Variants in SSH2 observed in about 807,000 individuals in gnomAD.
The protein encoded by SSH2 is slingshot protein phosphatase 2.
In SSH2, 37 loss-of-function variants were observed where a neutral mutation model predicts 135.2. The ratio of observed to expected loss-of-function variants is 0.27; its 90% confidence interval spans 0.21 to 0.36. The LOEUF is 0.36. SSH2 is among the 10% of genes least tolerant of loss of function. The probability of loss-of-function intolerance (pLI) is 1.00; values close to 1 mark genes in which losing one functional copy is unlikely to be tolerated. For missense variants in SSH2, 1,408 were observed against 1,765.3 expected, an observed-to-expected ratio of 0.80 and a Z score of 3.63; for synonymous variants, 628 against 646.2, an observed-to-expected ratio of 0.97 and a Z score of 0.43.
intron 8 of SSH2, among the ~76,000 whole-genome samples, chr17:29,675,380 C>T (rs919564546): frequency 1.2e-4 from 18 of 152,128 alleles, no homozygotes; most frequent in Non-Finnish European, 1.5e-5. Flanking sequence ...GGGACTTCTA[C>T]TACCTAACAG....
chr17:29,914,373 A>C (rs1459088471), intron 1 of SSH2, among the ~76,000 whole-genome samples: 1 of 151,998 alleles, frequency 6.6e-6, no homozygotes, highest in Non-Finnish European at 1.5e-5. Flanking sequence ...CAACCTGGGC[A>C]ACACAGCGAG....
chr17:29,884,426 TG>T (rs572446868), intron 1 of SSH2, among the ~76,000 whole-genome samples: 5 of 152,332 alleles, frequency 3.3e-5, no homozygotes, highest in African/African-American at 1.2e-4. Context: ...TTCAGGGTTC[TG>T]TCCTTGGCAT....
intron 1 of SSH2, among the ~76,000 whole-genome samples, chr17:29,854,535 G>A (rs1321576677): frequency 1.3e-5 from 2 of 151,764 alleles, no homozygotes; most frequent in Non-Finnish European, 2.9e-5. Context: ...ATAAAATGTT[G>A]CAATTTTTAT....
intron 1 of SSH2, among the ~76,000 whole-genome samples, chr17:29,918,004 A>AT (rs2066913288): frequency 6.6e-6 from 1 of 151,934 alleles, no homozygotes; most frequent in Non-Finnish European, 1.5e-5. Flanking sequence ...ACAAAGTGAG[A>AT]TCCCCATCTC....
At chr17:29,703,195 CAA>C (rs2039058771) in intron 3 of SSH2, 133 bp from the exon 4 acceptor site, 12 of 653,246 alleles carry the variant, frequency 1.8e-5, no homozygotes, top group Non-Finnish European at 3.3e-5. Context: ...AAAACATAAT[CAA>C]GAGAGGCTGT....
At chr17:29,760,317 T>C (rs892235641) in intron 3 of SSH2, among the ~76,000 whole-genome samples, 3 of 152,190 alleles carry the variant, frequency 2.0e-5, no homozygotes, top group Non-Finnish European at 4.4e-5. Context: ...CTGAAGCCAC[T>C]TGGAATGAGT....
intron 6 of SSH2, among the ~76,000 whole-genome samples, chr17:29,678,665 A>G (rs891078603): frequency 1.3e-5 from 2 of 152,028 alleles, no homozygotes; most frequent in Admixed American, 1.3e-4. Flanking sequence ...AGAAATGTCA[A>G]CAACCAAGAA....
At chr17:29,750,861 A>C (rs79211543) in intron 3 of SSH2, among the ~76,000 whole-genome samples, 9 of 145,742 alleles carry the variant, frequency 6.2e-5, no homozygotes, top group Admixed American at 5.5e-4. Context: ...CAAAAATACA[A>C]AAAAAAAAAA....
rs369071937 is a variant in SSH2 at position 29,704,346 on chromosome 17, T to C, written c.189-1284A>G. Among the ~76,000 whole-genome samples, 99 of 152,312 alleles carry C rather than the reference T, an allele frequency of 6.5e-4. 1 individual carries two copies. Among genetic ancestry groups the C allele is most frequent in the African/African-American group, 2.1e-3 (88 of 41,578 alleles). Reference sequence around the variant, plus strand: ...GGAAGTGTGTTTAACCTACTTGAGTTTGTCATTCACAAGATGATAATATAG... The same window carrying C: ...GGAAGTGTGTTTAACCTACTTGAGTCTGTCATTCACAAGATGATAATATAG... On this transcript the variant is annotated intron_variant, in intron 3 of 15. Coordinates refer to ENST00000540801, the MANE Select transcript of SSH2 (RefSeq NM_001282129.2).
chr17:29,909,334 T>C (rs2066722879), intron 1 of SSH2, among the ~76,000 whole-genome samples: 1 of 151,916 alleles, frequency 6.6e-6, no homozygotes, highest in Non-Finnish European at 1.5e-5. Flanking sequence ...GCTATAAAAA[T>C]GCCAAAATCA....
rs538624236 is a variant in SSH2, at chr17:29,812,010, A to G, written c.145-18073T>C. On this transcript the variant is annotated intron_variant, in intron 2 of 15. Coordinates refer to ENST00000540801, the MANE Select transcript of SSH2 (RefSeq NM_001282129.2). ...AAAGAGGAGATTACATATATCCAAC[A>G]TAAGAACTGTTGTCAGGGAGCAAGT... Among the ~76,000 whole-genome samples, 305 of 152,212 alleles carry G rather than the reference A, an allele frequency of 2.0e-3. 1 individual carries two copies. The highest frequency in any genetic ancestry group is 7.1e-3 in the African/African-American group (294 of 41,562).
chr17:29,693,950 C>T (rs1886240241), intron 5 of SSH2, among the ~76,000 whole-genome samples: 1 of 152,186 alleles, frequency 6.6e-6, no homozygotes, highest in African/African-American at 2.4e-5. Flanking sequence ...TTCACAAGTG[C>T]TTATTGAAAA....
intron 3 of SSH2, among the ~76,000 whole-genome samples, chr17:29,734,173 G>A (rs575446517): frequency 6.6e-6 from 1 of 152,046 alleles, no homozygotes; most frequent in African/African-American, 2.4e-5. Flanking sequence ...CACCCACCTC[G>A]GCCTCCCAAA....
In SSH2 at chr17:29,627,956, G is replaced by C. The variant is rs987081024; in HGVS notation, c.*2885C>G. 2.6e-5 allele frequency: 4 copies of C among 152,138 alleles called. No individual in the cohort carries two copies. Among genetic ancestry groups the C allele is most frequent in the Admixed American group, 2.6e-4 (4 of 15,266 alleles). 9.4% of individuals were successfully genotyped at this position (152,138 alleles called of 1,614,324 possible). A position where few individuals can be genotyped will look rare whatever the true frequency, so the allele number is the denominator to read the frequency against. On this transcript the variant is annotated 3_prime_UTR_variant, in exon 16 of 16. Transcript: ENST00000540801. ...GAGAGAGAGAGAGGAGAGAGAGAGAGGCAGGCAGGCACTGGGCAAGAGTCA... is the reference window on the plus strand; with the variant it reads ...GAGAGAGAGAGAGGAGAGAGAGAGACGCAGGCAGGCACTGGGCAAGAGTCA...
At chr17:29,720,639 G>A (rs2039792028) in intron 3 of SSH2, among the ~76,000 whole-genome samples, 2 of 152,052 alleles carry the variant, frequency 1.3e-5, no homozygotes, top group South Asian at 4.1e-4. Context: ...GATCCCTTGG[G>A]CCATGCACTA....
intron 3 of SSH2, among the ~76,000 whole-genome samples, chr17:29,705,660 A>T (rs1047870550): frequency 6.6e-6 from 1 of 152,160 alleles, no homozygotes; most frequent in African/African-American, 2.4e-5. Flanking sequence ...GACCTGTAAC[A>T]TCCTACAGGA....
chr17:29,692,687 A>G (rs2038538723), intron 5 of SSH2, among the ~76,000 whole-genome samples: 1 of 152,238 alleles, frequency 6.6e-6, no homozygotes. Context: ...TAGCTTTACC[A>G]AAACACACAA....
At chr17:29,858,917 C>T (rs2065712015) in intron 1 of SSH2, among the ~76,000 whole-genome samples, 1 of 151,916 alleles carries the variant, frequency 6.6e-6, no homozygotes, top group Non-Finnish European at 1.5e-5. Flanking sequence ...GAGATTAGGA[C>T]ACAGATACAC....
intron 1 of SSH2, among the ~76,000 whole-genome samples, chr17:29,871,765 G>T (rs185938354): frequency 2.2e-3 from 336 of 152,170 alleles, no homozygotes; most frequent in Non-Finnish European, 3.6e-3. Flanking sequence ...CTAATGGCTG[G>T]GAGTGTAAAA....
Sources: allele counts gnomAD v4.1 joint callset (sites outside exome capture counted in the v4.1 genomes callset), GRCh38; gene constraint gnomAD v4.1.1; transcripts MANE v1.5; gene names NCBI Gene and HGNC (gene_info 2026-07-23, HGNC 2026-07-21).